Variants in ADAMTS17 observed in about 807,000 individuals in gnomAD.
ADAMTS17 encodes the protein A disintegrin and metalloproteinase with thrombospondin motifs 17.
In ADAMTS17, 113 loss-of-function variants were observed where a neutral mutation model predicts 141.5. The ratio of observed to expected loss-of-function variants is 0.80; its 90% confidence interval spans 0.69 to 0.93. The LOEUF (loss-of-function observed/expected upper bound fraction) is 0.93, where lower values mean the gene tolerates loss of function less well. ADAMTS17 is among the 40% of genes least tolerant of loss of function. The pLI is 0.00. For synonymous variants in ADAMTS17, 768 were observed against 630.6 expected, an observed-to-expected ratio of 1.22 and a Z score of -3.27; for missense variants, 1,659 against 1,517.9, an observed-to-expected ratio of 1.09 and a Z score of -1.54.
At chr15:100,127,880 C>T (rs1019002610) in intron 12 of ADAMTS17, among the ~76,000 whole-genome samples, 1 of 144,678 alleles carries the variant, frequency 6.9e-6, no homozygotes, top group African/African-American at 2.6e-5. Context: ...CTGGGCTCGG[C>T]CCCCTGATAA....
chr15:100,079,922 C>G (rs901462053), intron 15 of ADAMTS17, among the ~76,000 whole-genome samples: 1 of 152,182 alleles, frequency 6.6e-6, no homozygotes, highest in Non-Finnish European at 1.5e-5. Flanking sequence ...CCTGAAGAGG[C>G]TGCAAAGAAC....
At chr15:99,990,855 G>T (rs1378674035) in intron 20 of ADAMTS17, among the ~76,000 whole-genome samples, 3 of 152,134 alleles carry the variant, frequency 2.0e-5, no homozygotes, top group Admixed American at 6.5e-5. Flanking sequence ...TGAAATTTCA[G>T]AAATAATGCC....
At chr15:100,121,168 A>C (rs2037433378) in intron 12 of ADAMTS17, among the ~76,000 whole-genome samples, 1 of 152,256 alleles carries the variant, frequency 6.6e-6, no homozygotes, top group Admixed American at 6.5e-5. Flanking sequence ...GAGTCTGAGA[A>C]GTAAAAAGAA....
intron 3 of ADAMTS17, among the ~76,000 whole-genome samples, chr15:100,309,373 A>G (rs28579786): frequency 0.018 from 2,700 of 152,252 alleles, 94 homozygotes; most frequent in African/African-American, 0.061. Context: ...ACGCACAAAA[A>G]ATGGAATGGC....
chr15:100,095,334 G>A (rs1353222095), intron 15 of ADAMTS17, among the ~76,000 whole-genome samples: 2 of 152,180 alleles, frequency 1.3e-5, no homozygotes, highest in Non-Finnish European at 2.9e-5. Context: ...CAAAATGTTG[G>A]CGCAGTAGGC....
intron 7 of ADAMTS17, among the ~76,000 whole-genome samples, chr15:100,236,977 A>T (rs2042677364): frequency 6.6e-6 from 1 of 152,094 alleles, no homozygotes; most frequent in Non-Finnish European, 1.5e-5. Context: ...TTCTCCTCTC[A>T]TCTCTGCACA....
chr15:99,978,231 C>A (rs1157614776), intron 20 of ADAMTS17, among the ~76,000 whole-genome samples: 3 of 152,174 alleles, frequency 2.0e-5, no homozygotes, highest in Non-Finnish European at 2.9e-5. Context: ...GCTGTCTGCT[C>A]CCAGGGGGGC....
chr15:100,038,544 T>C (rs2030962282), intron 18 of ADAMTS17, among the ~76,000 whole-genome samples: 1 of 152,234 alleles, frequency 6.6e-6, no homozygotes, highest in Admixed American at 6.5e-5. Flanking sequence ...TGTTTTAAAA[T>C]TCTTTTATTA....
intron 6 of ADAMTS17, among the ~76,000 whole-genome samples, chr15:100,261,166 A>G (rs1487850284): frequency 6.6e-6 from 1 of 152,192 alleles, no homozygotes; most frequent in African/African-American, 2.4e-5. Context: ...CACTGGAGTA[A>G]GGTGAGCCCA....
chr15:100,048,253 G>A (rs1229739760), intron 18 of ADAMTS17, among the ~76,000 whole-genome samples: 1 of 152,158 alleles, frequency 6.6e-6, no homozygotes, highest in Admixed American at 6.5e-5. Flanking sequence ...CAACGTAATG[G>A]ATTCATTATT....
chr15:100,112,330 G>A (rs2141119810), intron 13 of ADAMTS17, among the ~76,000 whole-genome samples: 1 of 152,260 alleles, frequency 6.6e-6, no homozygotes, highest in African/African-American at 2.4e-5. Context: ...CTCCAGAACA[G>A]AGTCTAGAGG....
At chr15:100,293,827 G>T (rs762041539) in intron 3 of ADAMTS17, among the ~76,000 whole-genome samples, 3 of 152,228 alleles carry the variant, frequency 2.0e-5, no homozygotes, top group African/African-American at 7.2e-5. Flanking sequence ...GTTATTGAAC[G>T]ATTTGTTTAA....
At chr15:100,074,561 C>A (rs73474475) in intron 15 of ADAMTS17, among the ~76,000 whole-genome samples, 6,290 of 151,940 alleles carry the variant, frequency 0.041, 457 homozygotes, top group African/African-American at 0.14. Flanking sequence ...AACCATCTTC[C>A]CATCTCAGAA....
chr15:100,054,847 G>T (rs1293518916), intron 15 of ADAMTS17, among the ~76,000 whole-genome samples: 1 of 152,220 alleles, frequency 6.6e-6, no homozygotes, highest in Non-Finnish European at 1.5e-5. Flanking sequence ...GCCATAAGCA[G>T]AAACTTGGTT....
intron 7 of ADAMTS17, among the ~76,000 whole-genome samples, chr15:100,237,066 C>A (rs779660779): frequency 2.2e-4 from 34 of 152,160 alleles, no homozygotes; most frequent in Non-Finnish European, 4.0e-4. Context: ...TTCCTCAGGC[C>A]CCCACAACCC....
intron 10 of ADAMTS17, among the ~76,000 whole-genome samples, chr15:100,147,678 C>T (rs1325328323): frequency 3.9e-5 from 6 of 152,204 alleles, no homozygotes; most frequent in African/African-American, 9.6e-5. Flanking sequence ...CATGATGAGG[C>T]GTATGACTGT....
chr15:100,291,542 G>T (rs2044624835), intron 3 of ADAMTS17, among the ~76,000 whole-genome samples: 1 of 152,040 alleles, frequency 6.6e-6, no homozygotes, highest in South Asian at 2.1e-4. Flanking sequence ...CCATGCACGT[G>T]TATGTTCATC....
chr15:100,247,042 C>T (rs1450531664), intron 7 of ADAMTS17, among the ~76,000 whole-genome samples: 1 of 152,152 alleles, frequency 6.6e-6, no homozygotes, highest in South Asian at 2.1e-4. Flanking sequence ...CACCACCACA[C>T]CCGGATAATT....
intron 3 of ADAMTS17, among the ~76,000 whole-genome samples, chr15:100,302,913 G>C (rs1237631811): frequency 1.3e-5 from 2 of 152,020 alleles, no homozygotes; most frequent in African/African-American, 2.4e-5. Context: ...TGTGAGAAGA[G>C]AAACTGGCCT....
Sources: allele counts gnomAD v4.1 joint callset (sites outside exome capture counted in the v4.1 genomes callset), GRCh38; gene constraint gnomAD v4.1.1; transcripts MANE v1.5; gene names NCBI Gene and HGNC (gene_info 2026-07-23, HGNC 2026-07-21).